Variants in EIF4G3 observed in about 807,000 individuals in gnomAD.
The protein encoded by EIF4G3 is eIF-4-gamma 3.
In EIF4G3, 34 loss-of-function variants were observed where a neutral mutation model predicts 186.4. The ratio of observed to expected loss-of-function variants is 0.18; its 90% CI spans 0.14 to 0.24. The LOEUF is 0.24. Ranked by LOEUF, EIF4G3 falls within the 10% of genes least tolerant of loss-of-function variation. EIF4G3 has a pLI of 1.00. For missense variants in EIF4G3, 1,536 were observed against 1,948.5 expected, an observed-to-expected ratio of 0.79 and a Z score of 3.99; for synonymous variants, 673 against 679.5, an observed-to-expected ratio of 0.99 and a Z score of 0.15.
At position 20,951,700 on chromosome 1, in the gene EIF4G3, G is replaced by A. The variant is rs72652979; in HGVS notation, c.715-1589C>T. 5.8e-3 allele frequency among the ~76,000 whole-genome samples: 853 copies of A among 147,516 alleles called. 3 individuals carry two copies. The highest frequency in any genetic ancestry group is 9.8e-3 in the Non-Finnish European group (655 of 66,654). ...GTAAATTGTATCATTTACCTAAAAG[G>A]AAAAAAATATTAACTACTCCAATTG... On this transcript the variant is annotated intron_variant, in intron 12 of 36. Coordinates refer to ENST00000602326, the MANE Select transcript of EIF4G3 (RefSeq NM_001391906.1).
At position 20,937,123 on chromosome 1, in the gene EIF4G3, G is replaced by A. The variant is rs529856553; in HGVS notation, c.1663+4368C>T. Among the ~76,000 whole-genome samples the A allele has an allele frequency of 3.9e-5, 6 of 152,264 alleles. No individual in the cohort carries two copies. The South Asian group carries it at 1.2e-3, about 32-fold the overall frequency. ...CAAAGTGGGAACCTGGAACTGAGAT[G>A]CTCACATAAAGCTCTGAGACTCCCA... On this transcript the variant is annotated intron_variant, in intron 14 of 36. Coordinates refer to ENST00000602326, the MANE Select transcript of EIF4G3 (RefSeq NM_001391906.1).
At chr1:21,043,099 C>T (rs1450367583) in intron 4 of EIF4G3, among the ~76,000 whole-genome samples, 1 of 152,056 alleles carries the variant, frequency 6.6e-6, no homozygotes, top group Admixed American at 6.6e-5. Flanking sequence ...TTCATGACTT[C>T]TTAAAACAGA....
chr1:21,175,307 C>T (rs913320146), intron 2 of EIF4G3: 1 of 152,186 alleles, frequency 6.6e-6, no homozygotes, highest in South Asian at 2.1e-4. Flanking sequence ...TCAATCAAAG[C>T]TCTCCAAAAT....
At chr1:21,152,040 G>T (rs1020223407) in intron 2 of EIF4G3, among the ~76,000 whole-genome samples, 11 of 152,174 alleles carry the variant, frequency 7.2e-5, no homozygotes, top group African/African-American at 2.7e-4. Flanking sequence ...CAATTCTGAG[G>T]TCTAGCTTCA....
At chr1:21,145,562 G>C (rs1389181496) in intron 2 of EIF4G3, among the ~76,000 whole-genome samples, 1 of 151,896 alleles carries the variant, frequency 6.6e-6, no homozygotes, top group Admixed American at 6.6e-5. Flanking sequence ...ACCCCACCTA[G>C]CTATGCTACG....
intron 7 of EIF4G3, among the ~76,000 whole-genome samples, chr1:20,992,203 A>G (rs2081286184): frequency 6.6e-6 from 1 of 152,236 alleles, no homozygotes; most frequent in Non-Finnish European, 1.5e-5. Flanking sequence ...TCATAAGATC[A>G]TAATTTAAGA....
chr1:21,041,988 T>C (rs1418223101), intron 4 of EIF4G3, among the ~76,000 whole-genome samples: 3 of 151,554 alleles, frequency 2.0e-5, no homozygotes, highest in Non-Finnish European at 4.4e-5. Context: ...TCTTTTCTTT[T>C]CTTTTTTTTT....
chr1:21,076,887 GAT>G (rs2095605552), intron 3 of EIF4G3, among the ~76,000 whole-genome samples: 1 of 152,022 alleles, frequency 6.6e-6, no homozygotes, highest in Non-Finnish European at 1.5e-5. Context: ...TCTGAAAAAA[GAT>G]TTTTCTTTTG....
At chr1:21,018,357 G>A (rs575399071) in intron 4 of EIF4G3, among the ~76,000 whole-genome samples, 52 of 152,118 alleles carry the variant, frequency 3.4e-4, no homozygotes, top group Non-Finnish European at 6.2e-4. Context: ...CGAGGCGGGC[G>A]GATCACAAGG....
chr1:20,829,235 T>C lies in EIF4G3; in HGVS notation c.4099A>G (p.Ile1367Val), dbSNP rs779013085. The change falls in exon 31 of 37, where the codon ATT (isoleucine) becomes GTT (valine). Residue 1367 changes from isoleucine (I) to valine (V), a missense_variant. Around this residue, in one of 11 missense-constraint regions of EIF4G3, gnomAD observed 395 missense variants for 498.9 expected, o/e 0.79. Coordinates refer to ENST00000602326, the MANE Select transcript of EIF4G3 (RefSeq NM_001391906.1). ...TACAACCAAATATGGGGAATATCAA[T>C]GGCCATGTCATCTGCCAATTCCAAA... ...ETLELADDMA[I>V]DIPHIWLYLA... The C allele has an allele frequency of 3.7e-6, 6 of 1,613,810 alleles. No homozygotes were observed. Among genetic ancestry groups the C allele is most frequent in the Admixed American group, 3.3e-5 (2 of 59,976 alleles).
intron 4 of EIF4G3, among the ~76,000 whole-genome samples, 162 bp from the exon 5 acceptor site, chr1:21,002,970 C>G (rs2083924121): frequency 6.7e-6 from 1 of 150,008 alleles, no homozygotes; most frequent in Admixed American, 6.7e-5. Flanking sequence ...AACTCAAAAT[C>G]AGTACAGTTC....
intron 7 of EIF4G3, among the ~76,000 whole-genome samples, chr1:20,986,922 TA>T (rs993650197): frequency 6.6e-6 from 1 of 152,124 alleles, no homozygotes; most frequent in African/African-American, 2.4e-5. Flanking sequence ...AAGGATTTAT[TA>T]TTAATACACC....
chr1:21,011,045 G>T (rs1187890313), intron 4 of EIF4G3, among the ~76,000 whole-genome samples: 1 of 152,162 alleles, frequency 6.6e-6, no homozygotes, highest in Admixed American at 6.5e-5. Flanking sequence ...TTTCAACAAT[G>T]ATAGAAAAGC....
intron 3 of EIF4G3, among the ~76,000 whole-genome samples, chr1:21,082,247 C>G (rs2095813400): frequency 6.7e-6 from 1 of 150,312 alleles, no homozygotes; most frequent in Non-Finnish European, 1.5e-5. Flanking sequence ...GGAATTTAAC[C>G]AACTCAATGA....
intron 30 of EIF4G3, among the ~76,000 whole-genome samples, chr1:20,834,142 C>A (rs1350164207): frequency 6.6e-6 from 1 of 152,018 alleles, no homozygotes; most frequent in Non-Finnish European, 1.5e-5. Context: ...GACTGAGTGG[C>A]TAAATAGATT....
intron 10 of EIF4G3, among the ~76,000 whole-genome samples, chr1:20,976,272 C>A (rs1378101641): frequency 6.6e-6 from 1 of 151,858 alleles, no homozygotes; most frequent in Non-Finnish European, 1.5e-5. Flanking sequence ...GTGTGCTGCA[C>A]CCATCAACTC....
At chr1:21,124,540 G>A (rs190427444) in intron 2 of EIF4G3, among the ~76,000 whole-genome samples, 1 of 152,308 alleles carries the variant, frequency 6.6e-6, no homozygotes, top group Admixed American at 6.5e-5. Context: ...CGGCCAGACT[G>A]ACTTCTGGGA....
chr1:20,984,874 C>T (rs1183806150), intron 7 of EIF4G3, among the ~76,000 whole-genome samples: 1 of 152,174 alleles, frequency 6.6e-6, no homozygotes, highest in African/African-American at 2.4e-5. Context: ...AGGCGTGAGC[C>T]ACCGTGCCCA....
intron 3 of EIF4G3, among the ~76,000 whole-genome samples, chr1:21,080,514 TA>T (rs999493139): frequency 8.5e-5 from 13 of 152,106 alleles, no homozygotes; most frequent in African/African-American, 3.1e-4. Context: ...TTTCTTCCTT[TA>T]TTTTTTTTGG....
Sources: gnomAD v4.1 joint callset for allele counts (sites outside exome capture counted in the v4.1 genomes callset) on GRCh38, gnomAD v4.1.1 for gene constraint, gnomAD v4.1.1 regional missense constraint, MANE v1.5 for transcripts, NCBI Gene and HGNC (gene_info 2026-07-23, HGNC 2026-07-21) for gene names.